Variants in MAPKAPK3 observed in about 807,000 individuals in gnomAD.
MAPKAPK3 encodes MAP kinase-activated protein kinase 3.
A neutral mutation model predicts 49.2 loss-of-function variants in MAPKAPK3; 35 were observed. That is an observed-to-expected ratio of 0.71 (90% CI 0.54 to 0.94). MAPKAPK3 has a LOEUF of 0.94. Among genes scored for constraint, MAPKAPK3 ranks in the 40% least tolerant of loss-of-function variants. MAPKAPK3 has a pLI of 0.00. For missense variants in MAPKAPK3, 398 were observed against 493.1 expected (o/e 0.81, Z 1.83); for synonymous variants, 178 against 188.7 (o/e 0.94, Z 0.46).
chr3:50,633,442 A>C (rs999646751), intron 2 of MAPKAPK3, among the ~76,000 whole-genome samples: 1 of 151,660 alleles, frequency 6.6e-6, no homozygotes, highest in Non-Finnish European at 1.5e-5. Context: ...ACACACACAC[A>C]CCCACATGCC....
At chr3:50,626,089 T>C (rs1331567472) in intron 2 of MAPKAPK3, among the ~76,000 whole-genome samples, 1 of 138,670 alleles carries the variant, frequency 7.2e-6, no homozygotes, top group Non-Finnish European at 1.6e-5. Flanking sequence ...CACCCCCCCA[T>C]GGCTTGTGTG....
At chr3:50,635,563 G>A (rs898544877) in intron 2 of MAPKAPK3, among the ~76,000 whole-genome samples, 1 of 151,386 alleles carries the variant, frequency 6.6e-6, no homozygotes, top group Non-Finnish European at 1.5e-5. Flanking sequence ...GGTTACAGAC[G>A]CACACCACCA....
intron 2 of MAPKAPK3, among the ~76,000 whole-genome samples, chr3:50,626,753 GAC>G (rs1016262371): frequency 1.3e-5 from 2 of 152,212 alleles, no homozygotes; most frequent in Non-Finnish European, 2.9e-5. Flanking sequence ...TGGATGCAGA[GAC>G]AGGTTCAGAA....
At chr3:50,647,342 G>T (rs1057197619) in intron 10 of MAPKAPK3, 139 bp downstream of exon 10, 12 of 679,452 alleles carry the variant, frequency 1.8e-5, no homozygotes, top group Non-Finnish European at 2.8e-5. Context: ...CTGTCGCAGT[G>T]GTCCAACCAT....
intron 5 of MAPKAPK3, 45 bp from the exon 6 acceptor site, chr3:50,644,364 G>T: frequency 6.2e-6 from 10 of 1,610,726 alleles, no homozygotes; most frequent in Non-Finnish European, 8.5e-6. Context: ...CTCTGCTCCT[G>T]CCTGGTTCCT....
chr3:50,626,063 TG>T (rs2032730547), intron 2 of MAPKAPK3, among the ~76,000 whole-genome samples: 1 of 113,926 alleles, frequency 8.8e-6, no homozygotes, highest in Non-Finnish European at 1.8e-5. Context: ...AGCTGTAACC[TG>T]AGGAGGTCCC....
At chr3:50,631,541 A>T (rs946879431) in intron 2 of MAPKAPK3, among the ~76,000 whole-genome samples, 3 of 152,236 alleles carry the variant, frequency 2.0e-5, no homozygotes, top group African/African-American at 7.2e-5. Context: ...GTGTGTTAAT[A>T]GCCCACACAG....
chr3:50,621,441 T>C (rs755772568), intron 2 of MAPKAPK3, among the ~76,000 whole-genome samples: 7 of 151,210 alleles, frequency 4.6e-5, no homozygotes, highest in African/African-American at 1.7e-4. Flanking sequence ...AAAATAAAAA[T>C]ACAAAAATTT....
At chr3:50,618,866 T>C (rs2032539180) in intron 2 of MAPKAPK3, among the ~76,000 whole-genome samples, 1 of 152,228 alleles carries the variant, frequency 6.6e-6, no homozygotes, top group South Asian at 2.1e-4. Context: ...ATTTTTTGTA[T>C]TTTTAGTAGA....
chr3:50,613,332 C>A (rs541432752), upstream of MAPKAPK3, among the ~76,000 whole-genome samples: 2 of 152,172 alleles, frequency 1.3e-5, no homozygotes, highest in Non-Finnish European at 2.9e-5. Flanking sequence ...GGGGAAAAAA[C>A]GTTAAGTTTC....
rs1245151932 is a variant in MAPKAPK3, at chr3:50,640,478, A to G, written c.332A>G (p.Lys111Arg). The G allele has an allele frequency of 6.2e-7, 1 of 1,613,614 alleles. No homozygotes were observed. Among genetic ancestry groups the G allele is most frequent in the South Asian group, 1.1e-5 (1 of 91,066 alleles). Residue 111 changes from lysine (K) to arginine (R), a missense_variant, in exon 3 of 11, where the codon AAG becomes AGG. By Grantham distance (26) the Lys-to-Arg change is conservative. This residue lies in a region of MAPKAPK3 where 52 missense variants were observed against 91.9 expected (regional missense o/e 0.57). Transcript: ENST00000621469. ...GTGTATGAGAACATGCACCATGGCA[A>G]GCGCTGTCTCCTCATCATCATGGAA... Reference protein sequence around the residue: ...LDVYENMHHGKRCLLIIMECM... With the variant: ...LDVYENMHHGRRCLLIIMECM...
upstream of MAPKAPK3, among the ~76,000 whole-genome samples, chr3:50,616,411 T>A (rs2032465270): frequency 6.6e-6 from 1 of 152,214 alleles, no homozygotes; most frequent in South Asian, 2.1e-4. Context: ...GAGACTTATA[T>A]GTGCAAGGCA....
chr3:50,633,395 G>A (rs918231259), intron 2 of MAPKAPK3, among the ~76,000 whole-genome samples: 9 of 149,554 alleles, frequency 6.0e-5, no homozygotes, highest in African/African-American at 2.2e-4. Flanking sequence ...CCCTACACAC[G>A]ATGTATGCAT....
intron 6 of MAPKAPK3, among the ~76,000 whole-genome samples, chr3:50,645,073 C>G (rs1354286304): frequency 6.6e-6 from 1 of 152,174 alleles, no homozygotes; most frequent in Non-Finnish European, 1.5e-5. Flanking sequence ...AAAACTGCCC[C>G]CTAACCTGAG....
intron 6 of MAPKAPK3, 124 bp from the exon 7 acceptor site, chr3:50,645,586 C>T: frequency 1.5e-6 from 1 of 682,342 alleles, no homozygotes; most frequent in Admixed American, 2.6e-5. Flanking sequence ...GTGCCAGACG[C>T]CAGTCTGCTC....
chr3:50,622,826 T>C (rs944165824), intron 2 of MAPKAPK3, among the ~76,000 whole-genome samples: 1 of 152,236 alleles, frequency 6.6e-6, no homozygotes, highest in African/African-American at 2.4e-5. Context: ...CTGCCTGCTG[T>C]CCAGGCTGCA....
At position 50,617,528 on chromosome 3, in the gene MAPKAPK3, G is replaced by A. The variant is rs1455461675; in HGVS notation, c.-38G>A. 1 of 1,021,086 alleles carries A rather than the reference G, an allele frequency of 9.8e-7. No homozygotes were observed. Among genetic ancestry groups the A allele is most frequent in the Admixed American group, 2.1e-5 (1 of 48,646 alleles). 63.3% of individuals were successfully genotyped at this position (1,021,086 alleles called of 1,614,324 possible). On this transcript the variant is annotated 5_prime_UTR_variant, in exon 2 of 11. Coordinates refer to ENST00000621469, the MANE Select transcript of MAPKAPK3 (RefSeq NM_001243925.2). The stretch of plus-strand genomic sequence containing the variant: ...CTTTCCCCCAGGTGCCACTAGAAGC[G>A]CCAGGCTGGGGCCGCCTCTGAGCGC...
At chr3:50,621,597 C>CAAAAAA (rs57325539) in intron 2 of MAPKAPK3, among the ~76,000 whole-genome samples, 1 of 41,762 alleles carries the variant, frequency 2.4e-5, no homozygotes, top group Non-Finnish European at 4.8e-5. Flanking sequence ...GGCTGTGTCT[C>CAAAAAA]AAAAAAAAAA....
chr3:50,634,889 GCCATGGGGACCCAGAGGCTGCT>G (rs1201783521), intron 2 of MAPKAPK3, among the ~76,000 whole-genome samples: 1 of 152,196 alleles, frequency 6.6e-6, no homozygotes, highest in Non-Finnish European at 1.5e-5. Flanking sequence ...GGATATGGAG[GCCATGGGGACCCAGAGGCTGCT>G]CCATGGGGGC....
Sources: gnomAD v4.1 joint callset for allele counts (sites outside exome capture counted in the v4.1 genomes callset) on GRCh38, gnomAD v4.1.1 for gene constraint, gnomAD v4.1.1 regional missense constraint, MANE v1.5 for transcripts, NCBI Gene and HGNC (gene_info 2026-07-23, HGNC 2026-07-21) for gene names.